RFWD3: variants seen among roughly 807,000 people sequenced by gnomAD.
RFWD3 encodes E3 ubiquitin-protein ligase RFWD3.
RFWD3 carries 65 observed loss-of-function variants against 87.7 expected under a neutral mutation model. The ratio of observed to expected loss-of-function variants is 0.74; its 90% CI spans 0.61 to 0.91. The LOEUF (loss-of-function observed/expected upper bound fraction) is 0.91. RFWD3 is among the 40% of genes least tolerant of loss of function. RFWD3 has a pLI of 0.00. For synonymous variants in RFWD3, 433 were observed against 352.8 expected (o/e 1.23, Z -2.55); for missense variants, 1,078 against 938.5 (o/e 1.15, Z -1.94).
At chr16:74,650,398 T>C (rs534862691) in intron 3 of RFWD3, among the ~76,000 whole-genome samples, 23 of 151,386 alleles carry the variant, frequency 1.5e-4, no homozygotes, top group Admixed American at 1.3e-3. Flanking sequence ...GGTGTGTGTG[T>C]GTATACAGTA....
intron 2 of RFWD3, among the ~76,000 whole-genome samples, chr16:74,653,117 C>A (rs1461876126): frequency 2.0e-5 from 3 of 152,012 alleles, no homozygotes; most frequent in South Asian, 2.1e-4. Flanking sequence ...GGTGGGTAAA[C>A]TGCTTGTGCC....
intron 1 of RFWD3, chr16:74,666,230 G>C (rs1961910285): frequency 1.4e-5 from 2 of 147,342 alleles, no homozygotes. Flanking sequence ...AGATTGATTA[G>C]ATACATAGAT....
chr16:74,661,887 GATAA>G (rs199613192), intron 1 of RFWD3, among the ~76,000 whole-genome samples: 1,921 of 152,240 alleles, frequency 0.013, 38 homozygotes, highest in African/African-American at 0.044. Context: ...AGTTACAAGG[GATAA>G]ATAGAGAAAG....
intron 11 of RFWD3, among the ~76,000 whole-genome samples, chr16:74,626,821 T>TGAGA (rs10667616): frequency 1 from 151,596 of 152,338 alleles, 75,436 homozygotes; most frequent in Middle Eastern, 1. Context: ...AAAACAATTC[T>TGAGA]GTGAGTTGTC....
chr16:74,657,782 T>C (rs1050398449), intron 2 of RFWD3, among the ~76,000 whole-genome samples: 1 of 152,192 alleles, frequency 6.6e-6, no homozygotes, highest in Non-Finnish European at 1.5e-5. Context: ...CCAGGTTTTC[T>C]TTTTAGACAG....
rs376800358 is a variant in RFWD3 at position 74,623,917 on chromosome 16, C to T, written c.*11G>A. On this transcript the variant is annotated 3_prime_UTR_variant, in exon 13 of 13. Transcript: ENST00000361070. ...AACCAGCAGCATGCCTTCAAGGTTT[C>T]GAGACCACAGTCACTCCCACTTATA... 136 of 1,613,414 alleles carry T rather than the reference C, an allele frequency of 8.4e-5. No individual in the cohort carries two copies. The highest frequency in any genetic ancestry group is 1.1e-4 in the Non-Finnish European group (126 of 1,179,712).
chr16:74,651,216 G>A (rs1960536105), intron 3 of RFWD3, among the ~76,000 whole-genome samples: 1 of 152,194 alleles, frequency 6.6e-6, no homozygotes, highest in South Asian at 2.1e-4. Context: ...AGGGGTCTCT[G>A]CCTACGACTA....
chr16:74,632,761 C>A, intron 8 of RFWD3, 88 bp from the exon 9 acceptor site: 1 of 1,233,426 alleles, frequency 8.1e-7, no homozygotes, highest in Non-Finnish European at 1.1e-6. Flanking sequence ...CCTTCGTCCA[C>A]CTTTCTTGGC....
intron 2 of RFWD3, among the ~76,000 whole-genome samples, chr16:74,656,717 C>T (rs1224237942): frequency 6.6e-6 from 1 of 152,192 alleles, no homozygotes; most frequent in Non-Finnish European, 1.5e-5. Flanking sequence ...TTCAGCCCCC[C>T]AAAGTGCTGG....
intron 6 of RFWD3, among the ~76,000 whole-genome samples, chr16:74,642,788 C>T (rs137930597): frequency 6.6e-6 from 1 of 151,992 alleles, no homozygotes; most frequent in East Asian, 2.0e-4. Context: ...CCACTACACC[C>T]AGCCTATTTA....
At chr16:74,639,913 A>C (rs529200768) in intron 6 of RFWD3, among the ~76,000 whole-genome samples, 1 of 152,264 alleles carries the variant, frequency 6.6e-6, no homozygotes, top group East Asian at 1.9e-4. Flanking sequence ...ATATGTTGAG[A>C]GAGAGATGGA....
At chr16:74,627,309 T>C (rs922360618) in intron 11 of RFWD3, among the ~76,000 whole-genome samples, 1 of 152,192 alleles carries the variant, frequency 6.6e-6, no homozygotes, top group Non-Finnish European at 1.5e-5. Flanking sequence ...GCATAAATTA[T>C]TTGAAACCCA....
At chr16:74,665,650 T>G (rs1240763693) in intron 1 of RFWD3, among the ~76,000 whole-genome samples, 1 of 152,168 alleles carries the variant, frequency 6.6e-6, no homozygotes, top group Non-Finnish European at 1.5e-5. Flanking sequence ...TCCCAGCTAT[T>G]GCGGGAAGCC....
intron 2 of RFWD3, among the ~76,000 whole-genome samples, chr16:74,658,441 A>G (rs1258639215): frequency 6.6e-6 from 1 of 152,232 alleles, no homozygotes; most frequent in Non-Finnish European, 1.5e-5. Flanking sequence ...GTGAGTCAAA[A>G]GCTGTTCACC....
At chr16:74,661,829 T>C (rs1961464125) in intron 1 of RFWD3, among the ~76,000 whole-genome samples, 1 of 152,214 alleles carries the variant, frequency 6.6e-6, no homozygotes, top group Non-Finnish European at 1.5e-5. Flanking sequence ...ATGCATATAA[T>C]GCAGTATCTA....
chr16:74,653,289 T>A (rs996666135), intron 2 of RFWD3, among the ~76,000 whole-genome samples: 1 of 151,820 alleles, frequency 6.6e-6, no homozygotes, highest in Non-Finnish European at 1.5e-5. Context: ...CAGTGAGCCA[T>A]GATGGTGCCC....
At chr16:74,665,441 G>T (rs1282106623) in intron 1 of RFWD3, among the ~76,000 whole-genome samples, 3 of 152,132 alleles carry the variant, frequency 2.0e-5, no homozygotes, top group African/African-American at 7.2e-5. Context: ...ACCCGGGTGT[G>T]GTGGCGCATG....
At chr16:74,627,409 C>G (rs1958969855) in intron 11 of RFWD3, among the ~76,000 whole-genome samples, 1 of 152,132 alleles carries the variant, frequency 6.6e-6, no homozygotes, top group South Asian at 2.1e-4. Flanking sequence ...CCCTCCACCC[C>G]TACCCCACCC....
At chr16:74,641,996 C>G (rs567418365) in intron 6 of RFWD3, among the ~76,000 whole-genome samples, 1 of 144,594 alleles carries the variant, frequency 6.9e-6, no homozygotes, top group Admixed American at 6.9e-5. Context: ...CTATATCATA[C>G]TATGTATAAT....
Sources: allele counts gnomAD v4.1 joint callset (sites outside exome capture counted in the v4.1 genomes callset), GRCh38; gene constraint gnomAD v4.1.1; transcripts MANE v1.5; gene names NCBI Gene and HGNC (gene_info 2026-07-23, HGNC 2026-07-21).